CNST: variants seen among roughly 807,000 people sequenced by gnomAD.
The protein encoded by CNST is consortin, connexin sorting protein.
Under a neutral mutation model 72.4 loss-of-function variants are expected in CNST, and 39 were observed. The observed-to-expected ratio is 0.54, with a 90% CI of 0.42 to 0.70. The LOEUF (loss-of-function observed/expected upper bound fraction) is 0.70. Among genes scored for constraint, CNST ranks in the 30% least tolerant of loss-of-function variants. CNST has a pLI of 0.00. For synonymous variants in CNST, 332 were observed against 320.1 expected, an observed-to-expected ratio of 1.04 and a Z score of -0.40; for missense variants, 871 against 868.5, an observed-to-expected ratio of 1.00 and a Z score of -0.04.
In CNST at chr1:246,666,025, C is replaced by G. The variant is rs1267641208; in HGVS notation, c.*120C>G. The G allele has an allele frequency of 1.5e-6, 1 of 684,816 alleles. No homozygotes were observed. Among genetic ancestry groups the G allele is most frequent in the East Asian group, 2.7e-5 (1 of 36,752 alleles). 42.4% of individuals were successfully genotyped at this position (684,816 alleles called of 1,614,324 possible). On this transcript the variant is annotated 3_prime_UTR_variant, in exon 11 of 11. Transcript: ENST00000366513. ...TCCCTCTGTTAGGAACCAAGGACAT[C>G]AGAAATAGCAACTTTAAGTGGCAAG...
chr1:246,576,699 G>T (rs1216172522), intron 1 of CNST, among the ~76,000 whole-genome samples: 2 of 151,626 alleles, frequency 1.3e-5, no homozygotes, highest in African/African-American at 2.4e-5. Context: ...TTTCCATATT[G>T]GCCAGGTTGG....
intron 6 of CNST, among the ~76,000 whole-genome samples, chr1:246,639,923 G>C (rs991655885): frequency 2.0e-5 from 3 of 152,172 alleles, no homozygotes; most frequent in Non-Finnish European, 4.4e-5. Context: ...TGTGGTACCC[G>C]GATGGCCAAT....
chr1:246,610,877 C>A (rs988458166), intron 2 of CNST, among the ~76,000 whole-genome samples: 1 of 152,170 alleles, frequency 6.6e-6, no homozygotes, highest in Non-Finnish European at 1.5e-5. Context: ...AGGAAGCGAT[C>A]TTCCTGGCTT....
At chr1:246,612,612 C>T (rs1196768439) in intron 2 of CNST, among the ~76,000 whole-genome samples, 3 of 152,064 alleles carry the variant, frequency 2.0e-5, no homozygotes, top group Non-Finnish European at 4.4e-5. Context: ...ACAGGTCAGG[C>T]GCAGTGGTTC....
intron 1 of CNST, among the ~76,000 whole-genome samples, chr1:246,585,422 A>AG (rs1334714996): frequency 7.9e-5 from 12 of 151,604 alleles, no homozygotes; most frequent in East Asian, 3.9e-4. Flanking sequence ...CGAGGCGGGC[A>AG]AATCACTTGA....
chr1:246,637,207 G>T (rs974123368), intron 6 of CNST, among the ~76,000 whole-genome samples: 16 of 152,190 alleles, frequency 1.1e-4, no homozygotes, highest in Admixed American at 9.8e-4. Flanking sequence ...ACCCTGGTAC[G>T]ATGGACCCAG....
At chr1:246,616,652 T>G (rs899140763) in intron 2 of CNST, among the ~76,000 whole-genome samples, 3 of 152,132 alleles carry the variant, frequency 2.0e-5, no homozygotes, top group Admixed American at 1.3e-4. Flanking sequence ...CCTCCCGGGT[T>G]CAAGCAGTTC....
At chr1:246,647,071 C>G (rs747589090) in intron 8 of CNST, 68 bp from the exon 9 acceptor site, 11 of 1,363,378 alleles carry the variant, frequency 8.1e-6, no homozygotes, top group Non-Finnish European at 1.1e-5. Context: ...ATTCATATGT[C>G]CCTTCTTTTC....
At chr1:246,590,322 A>G (rs1418264838) in intron 1 of CNST, among the ~76,000 whole-genome samples, 1 of 152,182 alleles carries the variant, frequency 6.6e-6, no homozygotes, top group African/African-American at 2.4e-5. Context: ...TACAGATAAC[A>G]CAAGTAGTTT....
chr1:246,667,950 C>T lies in CNST; in HGVS notation c.*2045C>T, dbSNP rs888983146. On this transcript the variant is annotated 3_prime_UTR_variant, in exon 11 of 11. Coordinates refer to ENST00000366513, the MANE Select transcript of CNST (RefSeq NM_152609.3). ...GAACCCAACATCTCCTGGGGACCTTCGCAGCAAGAGGAAAGCACTGAGACA... is the reference window on the plus strand; with the variant it reads ...GAACCCAACATCTCCTGGGGACCTTTGCAGCAAGAGGAAAGCACTGAGACA... 7.9e-5 allele frequency: 12 copies of T among 152,270 alleles called. No homozygotes were observed. The highest frequency in any genetic ancestry group is 4.1e-4 in the South Asian group (2 of 4,828). 9.4% of individuals were successfully genotyped at this position (152,270 alleles called of 1,614,324 possible). A position where few individuals can be genotyped will look rare whatever the true frequency, so the allele number is the denominator to read the frequency against.
chr1:246,626,940 T>C (rs1664479250), intron 3 of CNST, among the ~76,000 whole-genome samples: 1 of 152,196 alleles, frequency 6.6e-6, no homozygotes, highest in Admixed American at 6.5e-5. Context: ...CCAAATGCCT[T>C]GAAGTGATAC....
intron 1 of CNST, among the ~76,000 whole-genome samples, chr1:246,577,546 A>T (rs1406123029): frequency 1.3e-5 from 2 of 152,104 alleles, no homozygotes; most frequent in East Asian, 1.9e-4. Flanking sequence ...TGAGTTTTAA[A>T]AATTTCGGTA....
intron 2 of CNST, among the ~76,000 whole-genome samples, chr1:246,619,955 A>ATC (rs1350059964): frequency 3.8e-5 from 4 of 106,286 alleles, no homozygotes; most frequent in African/African-American, 1.2e-4. Context: ...GGACGGCTTC[A>ATC]GTCGTGCATA....
intron 4 of CNST, 119 bp from the exon 5 acceptor site, chr1:246,633,805 A>G (rs894294880): frequency 1.8e-5 from 11 of 610,206 alleles, no homozygotes; most frequent in Non-Finnish European, 3.2e-5. Context: ...AAAAATATTT[A>G]GAGTCCTCTC....
At chr1:246,627,920 T>TTA (rs1219751893) in intron 3 of CNST, among the ~76,000 whole-genome samples, 2 of 150,450 alleles carry the variant, frequency 1.3e-5, no homozygotes, top group Admixed American at 6.6e-5. Flanking sequence ...CTATATATAT[T>TTA]TATATATATA....
At position 246,604,553 on chromosome 1, in the gene CNST, A is replaced by AG. The variant is rs536380813; in HGVS notation, c.379+12618dup. Among the ~76,000 whole-genome samples the AG allele has an allele frequency of 5.3e-5, 8 of 152,294 alleles. No individual in the cohort carries two copies. In the East Asian group the frequency reaches 1.5e-3, roughly 29 times the overall value. ...TTAGAGAATTATGGAATATTAAAGA[A>AG]GGGGGGCTTTTAAGGAAAATTTCAC... On this transcript the variant is annotated intron_variant, in intron 2 of 10. Coordinates refer to ENST00000366513, the MANE Select transcript of CNST (RefSeq NM_152609.3).
At position 246,646,541 on chromosome 1, in the gene CNST, C is replaced by T. The variant is rs144362560; in HGVS notation, c.938-598C>T. On this transcript the variant is annotated intron_variant, in intron 8 of 10. Coordinates refer to ENST00000366513, the MANE Select transcript of CNST (RefSeq NM_152609.3). ...TGTTGCCCAGGCTGGAGTGCAATGG[C>T]GTGATCTCAGGTAACCGCAGCCTCC... Among the ~76,000 whole-genome samples, 1,148 of 152,160 alleles carry T rather than the reference C, an allele frequency of 7.5e-3. 10 individuals carry two copies. Among genetic ancestry groups the T allele is most frequent in the African/African-American group, 0.026 (1,095 of 41,520 alleles).
rs1047084293 is a variant in CNST at position 246,656,550 on chromosome 1, G to A, written c.1837-3649G>A. 2.0e-5 allele frequency among the ~76,000 whole-genome samples: 3 copies of A among 152,080 alleles called. 1 individual carries two copies. In the South Asian group the frequency reaches 6.2e-4, roughly 32 times the overall value. On this transcript the variant is annotated intron_variant, in intron 9 of 10. Coordinates refer to ENST00000366513, the MANE Select transcript of CNST (RefSeq NM_152609.3). ...GGGTAAGAATTTGGCAATTGAAGTG[G>A]GAAACTAAATTTAGTTTTAAGGCTT... is the stretch of plus-strand genomic sequence containing the variant.
At chr1:246,640,283 G>A (rs1222267657) in intron 6 of CNST, among the ~76,000 whole-genome samples, 3 of 152,136 alleles carry the variant, frequency 2.0e-5, no homozygotes, top group Admixed American at 1.3e-4. Context: ...TAGGGCTTTC[G>A]ATTCAACTTG....
Sources: allele counts gnomAD v4.1 joint callset (sites outside exome capture counted in the v4.1 genomes callset), GRCh38; gene constraint gnomAD v4.1.1; transcripts MANE v1.5; gene names NCBI Gene and HGNC (gene_info 2026-07-23, HGNC 2026-07-21).